The following EPHA6 variants were observed in gnomAD, a reference collection of about 807,000 sequenced individuals.
The protein encoded by EPHA6 is EPH receptor A6.
EPHA6 carries 50 observed loss-of-function variants against 112.0 expected under a neutral mutation model. That is an observed-to-expected ratio of 0.45 (90% confidence interval 0.36 to 0.56). The LOEUF is 0.56. EPHA6 is among the 20% of genes least tolerant of loss of function. The pLI is 0.00. For synonymous variants in EPHA6, 529 were observed against 490.7 expected, an observed-to-expected ratio of 1.08 and a Z score of -1.03; for missense variants, 1,280 against 1,417.4, an observed-to-expected ratio of 0.90 and a Z score of 1.56.
At chr3:97,398,541 G>A (rs552109612) in intron 5 of EPHA6, among the ~76,000 whole-genome samples, 3 of 151,246 alleles carry the variant, frequency 2.0e-5, no homozygotes, top group South Asian at 2.1e-4. Flanking sequence ...TTTAATTACC[G>A]AAGTTGAACT....
chr3:97,532,247 C>T (rs2092703629), intron 10 of EPHA6, 111 bp from the exon 11 acceptor site: 1 of 864,050 alleles, frequency 1.2e-6, no homozygotes, highest in Non-Finnish European at 1.7e-6. Flanking sequence ...ATGAAAATAA[C>T]ATACTTAAGA....
intron 14 of EPHA6, among the ~76,000 whole-genome samples, chr3:97,679,964 G>A (rs1364190959): frequency 6.6e-6 from 1 of 152,110 alleles, no homozygotes; most frequent in African/African-American, 2.4e-5. Context: ...AACATATTTT[G>A]GGAAATGCTG....
At chr3:96,928,008 T>C (rs1407067147) in intron 2 of EPHA6, among the ~76,000 whole-genome samples, 1 of 152,162 alleles carries the variant, frequency 6.6e-6, no homozygotes, top group Non-Finnish European at 1.5e-5. Context: ...GGAGGAACTA[T>C]GAAACTTTTG....
At chr3:96,979,465 G>T (rs1038138478) in intron 2 of EPHA6, among the ~76,000 whole-genome samples, 11 of 152,110 alleles carry the variant, frequency 7.2e-5, no homozygotes, top group Admixed American at 1.3e-4. Context: ...GGACATTTGG[G>T]TTGGTTCTAA....
chr3:96,822,458 T>C (rs1372347666), intron 1 of EPHA6, among the ~76,000 whole-genome samples: 1 of 151,814 alleles, frequency 6.6e-6, no homozygotes, highest in African/African-American at 2.4e-5. Context: ...TTTTGGCCTA[T>C]TTGGTGACCT....
intron 13 of EPHA6, among the ~76,000 whole-genome samples, chr3:97,631,483 T>G (rs1467423248): frequency 6.6e-6 from 1 of 152,048 alleles, no homozygotes; most frequent in East Asian, 1.9e-4. Flanking sequence ...TTAGCCTTCT[T>G]TTTTTGTCAT....
At chr3:97,393,745 CTTCAGACTCTGGTAATCATTG>C (rs2086548642) in intron 5 of EPHA6, among the ~76,000 whole-genome samples, 1 of 151,820 alleles carries the variant, frequency 6.6e-6, no homozygotes, top group Non-Finnish European at 1.5e-5. Flanking sequence ...CCACTACCCT[CTTCAGACTCTGGTAATCATTG>C]TTCTACTCTC....
chr3:96,927,039 A>G (rs780103899), intron 2 of EPHA6, among the ~76,000 whole-genome samples: 4 of 152,194 alleles, frequency 2.6e-5, no homozygotes, highest in Non-Finnish European at 5.9e-5. Flanking sequence ...TGGACATCTG[A>G]GCATTTCCAT....
At chr3:96,847,964 T>A (rs1261331243) in intron 1 of EPHA6, among the ~76,000 whole-genome samples, 1 of 152,126 alleles carries the variant, frequency 6.6e-6, no homozygotes, top group Admixed American at 6.6e-5. Flanking sequence ...CGTTCACAGT[T>A]TTGTTGGACA....
At chr3:96,918,807 T>C (rs777325150) in intron 2 of EPHA6, among the ~76,000 whole-genome samples, 21 of 151,928 alleles carry the variant, frequency 1.4e-4, no homozygotes, top group Non-Finnish European at 2.8e-4. Flanking sequence ...CAGGCTCTCA[T>C]AAAGAAAATT....
At chr3:97,076,411 T>C (rs552681691) in intron 3 of EPHA6, among the ~76,000 whole-genome samples, 13 of 152,274 alleles carry the variant, frequency 8.5e-5, no homozygotes, top group African/African-American at 2.9e-4. Flanking sequence ...TCTTTAATTC[T>C]GTGAAGGCTG....
At chr3:97,614,343 T>A (rs1192319728) in intron 13 of EPHA6, among the ~76,000 whole-genome samples, 1 of 148,632 alleles carries the variant, frequency 6.7e-6, no homozygotes, top group Non-Finnish European at 1.5e-5. Context: ...ACTTTTTTTT[T>A]TTTTTTTTTT....
At chr3:97,493,393 G>A (rs998930734) in intron 10 of EPHA6, among the ~76,000 whole-genome samples, 1 of 152,144 alleles carries the variant, frequency 6.6e-6, no homozygotes, top group Non-Finnish European at 1.5e-5. Context: ...ACATGGTCAG[G>A]TTCTGGAGAA....
intron 16 of EPHA6, chr3:97,745,481 A>G: frequency 7.4e-6 from 3 of 406,690 alleles, no homozygotes; most frequent in Non-Finnish European, 1.5e-5. Context: ...GAAATGCAAT[A>G]GAATTGAGTA....
intron 3 of EPHA6, among the ~76,000 whole-genome samples, chr3:97,058,440 G>A (rs895824328): frequency 2.6e-5 from 4 of 152,050 alleles, no homozygotes; most frequent in African/African-American, 9.7e-5. Flanking sequence ...TGGGACTACA[G>A]GCAGGCACCA....
At chr3:96,927,225 C>T (rs573540156) in intron 2 of EPHA6, among the ~76,000 whole-genome samples, 59 of 152,314 alleles carry the variant, frequency 3.9e-4, no homozygotes, top group Admixed American at 1.4e-3. Context: ...GGATGCAGGG[C>T]TCCAAGTCCC....
chr3:97,560,160 A>T (rs2093169114), intron 11 of EPHA6, among the ~76,000 whole-genome samples: 1 of 149,110 alleles, frequency 6.7e-6, no homozygotes, highest in Non-Finnish European at 1.5e-5. Context: ...TGATTGAAAT[A>T]AAAAAAAAAG....
At chr3:97,481,495 T>TC in intron 9 of EPHA6, 1 of 1,124,760 alleles carries the variant, frequency 8.9e-7, no homozygotes. Context: ...AAACCATAGT[T>TC]CCGGTTCTTC....
Position 97,286,785 on chromosome 3 carries a change from T to C in EPHA6, c.1606+42498T>C, listed in dbSNP as rs570306040. Among the ~76,000 whole-genome samples the C allele has an allele frequency of 1.6e-4, 24 of 152,066 alleles. No homozygotes were observed. In the South Asian group the frequency reaches 4.8e-3, roughly 30 times the overall value. On this transcript the variant is annotated intron_variant, in intron 5 of 17. Transcript: ENST00000389672. ...TTTCTAGTTCTGTGAAAAAATCACATTGGTATTTTATAGCAATTGAATTGA... is the reference window on the plus strand; with the variant it reads ...TTTCTAGTTCTGTGAAAAAATCACACTGGTATTTTATAGCAATTGAATTGA...
Sources: allele counts gnomAD v4.1 joint callset (sites outside exome capture counted in the v4.1 genomes callset), GRCh38; gene constraint gnomAD v4.1.1; transcripts MANE v1.5; gene names NCBI Gene and HGNC (gene_info 2026-07-23, HGNC 2026-07-21).